YIPF1: variants seen among roughly 807,000 people sequenced by gnomAD.
The protein encoded by YIPF1 is Yip1 domain family member 1.
YIPF1 carries 22 observed loss-of-function variants against 37.0 expected under a neutral mutation model. The observed-to-expected ratio is 0.59, with a 90% CI of 0.42 to 0.85. The LOEUF (loss-of-function observed/expected upper bound fraction) is 0.85. Among genes scored for constraint, YIPF1 ranks in the 40% least tolerant of loss-of-function variants. YIPF1 has a pLI of 0.00. For missense variants in YIPF1, 355 were observed against 373.1 expected (o/e 0.95, Z 0.40); for synonymous variants, 128 against 131.9 (o/e 0.97, Z 0.21).
intron 10 of YIPF1, among the ~76,000 whole-genome samples, chr1:53,854,046 T>TA (rs1290387675): frequency 6.6e-6 from 1 of 152,082 alleles, no homozygotes; most frequent in African/African-American, 2.4e-5. Context: ...GGCCAGGAGT[T>TA]AGAGGCCAGC....
At chr1:53,857,855 C>A (rs7416528) in intron 10 of YIPF1, among the ~76,000 whole-genome samples, 7,008 of 151,910 alleles carry the variant, frequency 0.046, 206 homozygotes, top group East Asian at 0.12. Flanking sequence ...GTGACGGGCA[C>A]CTGTAATCTC....
intron 3 of YIPF1, among the ~76,000 whole-genome samples, chr1:53,887,332 G>A (rs1021592019): frequency 1.6e-4 from 24 of 151,784 alleles, no homozygotes; most frequent in African/African-American, 4.1e-4. Context: ...TGCCCTCCTC[G>A]GCCTCCCAAA....
chr1:53,858,154 ATCT>A (rs947209985), intron 10 of YIPF1, among the ~76,000 whole-genome samples: 5 of 152,112 alleles, frequency 3.3e-5, no homozygotes, highest in Admixed American at 1.3e-4. Context: ...AAGGGCTCTG[ATCT>A]TCTTTGATTC....
intron 9 of YIPF1, 136 bp from the exon 10 acceptor site, chr1:53,860,289 A>C (rs1350636169): frequency 1.2e-5 from 9 of 749,230 alleles, no homozygotes; most frequent in Non-Finnish European, 1.7e-5. Flanking sequence ...CCATCACACT[A>C]AACTACAACC....
intron 6 of YIPF1, 130 bp from the exon 7 acceptor site, chr1:53,871,618 A>T: frequency 1.2e-5 from 9 of 759,150 alleles, no homozygotes; most frequent in Middle Eastern, 3.1e-4. Context: ...TGGGATCAAC[A>T]CTTGCTGAAG....
intron 9 of YIPF1, among the ~76,000 whole-genome samples, chr1:53,863,915 T>C (rs1365468232): frequency 6.6e-6 from 1 of 151,812 alleles, no homozygotes; most frequent in Non-Finnish European, 1.5e-5. Context: ...GATTTTTTTA[T>C]ATTTTTGGTA....
At chr1:53,861,758 AATCT>A (rs1649889135) in intron 9 of YIPF1, among the ~76,000 whole-genome samples, 1 of 152,022 alleles carries the variant, frequency 6.6e-6, no homozygotes, top group South Asian at 2.1e-4. Flanking sequence ...TCACACCTGT[AATCT>A]CAGCACTTTG....
At chr1:53,855,550 C>G (rs1480794310) in intron 10 of YIPF1, among the ~76,000 whole-genome samples, 1 of 152,178 alleles carries the variant, frequency 6.6e-6, no homozygotes, top group African/African-American at 2.4e-5. Context: ...ACCACGTATA[C>G]AATGGTGGTC....
At chr1:53,868,828 G>A (rs1211227392) in intron 7 of YIPF1, among the ~76,000 whole-genome samples, 1 of 152,158 alleles carries the variant, frequency 6.6e-6, no homozygotes, top group East Asian at 1.9e-4. Context: ...AGACTCTCCT[G>A]AGTTTCCAGA....
chr1:53,866,047 A>G, intron 9 of YIPF1, 153 bp downstream of exon 9: 1 of 935,460 alleles, frequency 1.1e-6, no homozygotes, highest in Non-Finnish European at 1.5e-6. Context: ...AGATCCGCCC[A>G]CTTGGGCCTC....
At chr1:53,859,772 A>G (rs1161889866) in intron 10 of YIPF1, among the ~76,000 whole-genome samples, 1 of 152,238 alleles carries the variant, frequency 6.6e-6, no homozygotes, top group African/African-American at 2.4e-5. Flanking sequence ...CAGGGAGAAG[A>G]GAGTCCCCTC....
chr1:53,866,797 A>G lies in YIPF1; in HGVS notation c.609T>C (p.Cys203=). The G allele has an allele frequency of 6.2e-7, 1 of 1,614,168 alleles. No homozygotes were observed. The highest frequency in any genetic ancestry group is 8.5e-7 in the Non-Finnish European group (1 of 1,180,016). ...AAATGAAGAGGGAATATCCATAGAC[A>G]CACACAATCTCCAGAAATGAATAGG... ...IVSYSFLEIV[C]VYGYSLFIYI... Residue 203 remains cysteine, a synonymous_variant, in exon 8 of 11, where the codon TGT becomes TGC. Transcript: ENST00000072644.
chr1:53,858,334 G>A (rs1557601207), intron 10 of YIPF1, among the ~76,000 whole-genome samples: 1 of 152,100 alleles, frequency 6.6e-6, no homozygotes, highest in East Asian at 1.9e-4. Flanking sequence ...CTACAACCTG[G>A]ATTCCTCAAC....
At chr1:53,866,127 G>T in intron 9 of YIPF1, 73 bp downstream of exon 9, 1 of 1,525,070 alleles carries the variant, frequency 6.6e-7, no homozygotes, top group Non-Finnish European at 8.9e-7. Context: ...AAGAACTGTT[G>T]TGTCTAACAG....
Position 53,866,397 on chromosome 1 carries a change from A to T in YIPF1, c.649-15T>A. The T allele has an allele frequency of 6.2e-7, 1 of 1,611,502 alleles. No individual in the cohort carries two copies. Among genetic ancestry groups the T allele is most frequent in the Non-Finnish European group, 8.5e-7 (1 of 1,178,250 alleles). On this transcript the variant is annotated splice_polypyrimidine_tract_variant and intron_variant, in intron 8 of 10. Transcript: ENST00000072644. ...ATCCACAGTATCTGAAAGAAGAGAA[A>T]AGGAGGAGCGGGGAGTTCTTGGGAG...
intron 3 of YIPF1, among the ~76,000 whole-genome samples, chr1:53,884,102 G>T (rs1192541857): frequency 6.6e-6 from 1 of 150,378 alleles, no homozygotes; most frequent in Non-Finnish European, 1.5e-5. Flanking sequence ...AGGCATGGTG[G>T]CTCATGTCTA....
rs1557605849 is a variant in YIPF1 at position 53,870,160 on chromosome 1, C to CTCTTTTTTTTTT, written c.481+1211_481+1212insAAAAAAAAAAGA. On this transcript the variant is annotated intron_variant, in intron 7 of 10. Transcript: ENST00000072644. ...AGGCTTGAGCCACCGCACCGGGTCT[C>CTCTTTTTTTTTT]TTTTTTTTTTTTTTTTTTTTTTTTT... Among the ~76,000 whole-genome samples the CTCTTTTTTTTTT allele has an allele frequency of 5.2e-4, 47 of 91,214 alleles. 7 individuals are homozygous for CTCTTTTTTTTTT. The highest frequency in any genetic ancestry group is 2.0e-3 in the African/African-American group (45 of 22,616). The allele number at this position is 91,214 out of a possible 152,430, so 59.8% of individuals were successfully genotyped here.
chr1:53,879,955 A>G (rs1650445869), intron 4 of YIPF1, among the ~76,000 whole-genome samples: 3 of 152,150 alleles, frequency 2.0e-5, no homozygotes, highest in Admixed American at 1.3e-4. Flanking sequence ...CCAACCAAGG[A>G]AAGCATTCCC....
intron 7 of YIPF1, among the ~76,000 whole-genome samples, chr1:53,867,530 A>G (rs1454304503): frequency 1.3e-5 from 2 of 151,142 alleles, no homozygotes; most frequent in Non-Finnish European, 2.9e-5. Context: ...CCGCCACCAC[A>G]TCCGGCTAAT....
Sources: gnomAD v4.1 joint callset for allele counts (sites outside exome capture counted in the v4.1 genomes callset) on GRCh38, gnomAD v4.1.1 for gene constraint, MANE v1.5 for transcripts, NCBI Gene and HGNC (gene_info 2026-07-23, HGNC 2026-07-21) for gene names.